The following OLFM3 variants were observed in gnomAD, a reference collection of about 807,000 sequenced individuals.
OLFM3 encodes the protein noelin-3.
In OLFM3, 20 loss-of-function variants were observed where a neutral mutation model predicts 48.6. That is an observed-to-expected ratio of 0.41 (90% CI 0.29 to 0.60). The LOEUF (loss-of-function observed/expected upper bound fraction) is 0.60. Among genes scored for constraint, OLFM3 ranks in the 20% least tolerant of loss-of-function variants. The pLI, the probability that OLFM3 is intolerant of heterozygous loss-of-function variation, is 0.28. For missense variants in OLFM3, 437 were observed against 544.3 expected, an observed-to-expected ratio of 0.80 and a Z score of 1.96; for synonymous variants, 222 against 198.1, an observed-to-expected ratio of 1.12 and a Z score of -1.01.
intron 1 of OLFM3, among the ~76,000 whole-genome samples, chr1:101,966,883 T>G (rs1315949645): frequency 6.6e-6 from 1 of 152,166 alleles, no homozygotes; most frequent in African/African-American, 2.4e-5. Flanking sequence ...TATCTGAGAG[T>G]TGGATAAAAT....
chr1:101,928,330 A>G (rs1165239715), intron 1 of OLFM3, among the ~76,000 whole-genome samples: 2 of 152,108 alleles, frequency 1.3e-5, no homozygotes, highest in African/African-American at 4.8e-5. Context: ...TGTTTGCTAG[A>G]ATGGCTCTTT....
chr1:101,929,139 C>G (rs1480937278), intron 1 of OLFM3, among the ~76,000 whole-genome samples: 1 of 152,106 alleles, frequency 6.6e-6, no homozygotes, highest in African/African-American at 2.4e-5. Context: ...CTAGCAGCAG[C>G]AATTGCACAG....
At chr1:101,852,134 A>C (rs903441019) in intron 1 of OLFM3, among the ~76,000 whole-genome samples, 1 of 149,282 alleles carries the variant, frequency 6.7e-6, no homozygotes, top group African/African-American at 2.5e-5. Context: ...TACTTTTCCT[A>C]CTTTAAATGC....
chr1:101,934,837 G>T (rs1659561479), intron 1 of OLFM3, among the ~76,000 whole-genome samples: 1 of 151,936 alleles, frequency 6.6e-6, no homozygotes, highest in Admixed American at 6.6e-5. Flanking sequence ...TGCAATTACA[G>T]GGAAATTAAA....
intron 1 of OLFM3, among the ~76,000 whole-genome samples, chr1:101,919,436 A>G (rs184581166): frequency 6.6e-6 from 1 of 152,330 alleles, no homozygotes; most frequent in East Asian, 1.9e-4. Context: ...ACACTGCTAA[A>G]TCAAAGATCA....
At chr1:101,922,655 G>A (rs141202305) in intron 1 of OLFM3, among the ~76,000 whole-genome samples, 2 of 152,232 alleles carry the variant, frequency 1.3e-5, no homozygotes, top group Non-Finnish European at 2.9e-5. Flanking sequence ...TTGTATTTGT[G>A]TTCTCTGAAG....
intron 1 of OLFM3, among the ~76,000 whole-genome samples, chr1:101,886,198 C>T (rs1420254314): frequency 6.6e-6 from 1 of 151,802 alleles, no homozygotes; most frequent in African/African-American, 2.4e-5. Flanking sequence ...CACCCTCTCC[C>T]CACAACCACC....
chr1:101,863,823 T>C (rs1557707100), intron 1 of OLFM3, among the ~76,000 whole-genome samples: 1 of 152,226 alleles, frequency 6.6e-6, no homozygotes, highest in South Asian at 2.1e-4. Context: ...ATTATGATAA[T>C]ATATATCTCA....
At chr1:101,844,116 C>A (rs1345745157) in intron 1 of OLFM3, among the ~76,000 whole-genome samples, 1 of 152,126 alleles carries the variant, frequency 6.6e-6, no homozygotes, top group South Asian at 2.1e-4. Flanking sequence ...GTAAGGGTCC[C>A]TTGGAATTAT....
intron 4 of OLFM3, among the ~76,000 whole-genome samples, chr1:101,808,625 T>A (rs1031993131): frequency 4.6e-5 from 7 of 151,748 alleles, no homozygotes; most frequent in South Asian, 2.1e-4. Flanking sequence ...GATCTGAGTA[T>A]ACCTAGGGTG....
At chr1:101,843,838 C>T (rs1655850745) in intron 1 of OLFM3, among the ~76,000 whole-genome samples, 1 of 152,232 alleles carries the variant, frequency 6.6e-6, no homozygotes, top group East Asian at 1.9e-4. Context: ...TGTAAATCTG[C>T]TTTTCTTAAA....
chr1:101,873,944 A>G (rs1052078422), intron 1 of OLFM3, among the ~76,000 whole-genome samples: 1 of 151,852 alleles, frequency 6.6e-6, no homozygotes, highest in Non-Finnish European at 1.5e-5. Flanking sequence ...TTAATCTCCA[A>G]CTTCAAGATC....
At chr1:101,961,205 A>G (rs1660457101) in intron 1 of OLFM3, among the ~76,000 whole-genome samples, 2 of 152,188 alleles carry the variant, frequency 1.3e-5, no homozygotes, top group African/African-American at 4.8e-5. Flanking sequence ...ATTTCTCAAG[A>G]AGTTAATGAT....
intron 1 of OLFM3, among the ~76,000 whole-genome samples, chr1:101,851,200 A>C (rs1400608280): frequency 1.3e-5 from 2 of 152,118 alleles, no homozygotes; most frequent in African/African-American, 4.8e-5. Flanking sequence ...TGGCACCTTA[A>C]AAGCAGTTTA....
chr1:101,827,115 G>A (rs1247496926), intron 3 of OLFM3, among the ~76,000 whole-genome samples: 1 of 152,158 alleles, frequency 6.6e-6, no homozygotes, highest in Non-Finnish European at 1.5e-5. Context: ...ACCTGTGTTT[G>A]CTAATCTCTT....
At chr1:101,962,841 GAT>G (rs1186173688) in intron 1 of OLFM3, among the ~76,000 whole-genome samples, 1 of 152,140 alleles carries the variant, frequency 6.6e-6, no homozygotes, top group Non-Finnish European at 1.5e-5. Flanking sequence ...TGCCAAAGTT[GAT>G]GGTCCAGGGT....
At chr1:101,858,727 T>C (rs1656527643) in intron 1 of OLFM3, among the ~76,000 whole-genome samples, 1 of 152,048 alleles carries the variant, frequency 6.6e-6, no homozygotes. Context: ...GCCAGCCATG[T>C]AAGATGTGCC....
intron 1 of OLFM3, among the ~76,000 whole-genome samples, chr1:101,939,316 TA>T (rs1489124991): frequency 6.6e-6 from 1 of 152,152 alleles, no homozygotes; most frequent in East Asian, 1.9e-4. Context: ...TGGCTAAACA[TA>T]ATTTATATCA....
chr1:101,938,686 C>G (rs1214234263), intron 1 of OLFM3, among the ~76,000 whole-genome samples: 1 of 152,190 alleles, frequency 6.6e-6, no homozygotes, highest in Non-Finnish European at 1.5e-5. Flanking sequence ...CCCATTTGCT[C>G]AGTTTTGTGT....
Sources: allele counts gnomAD v4.1 joint callset (sites outside exome capture counted in the v4.1 genomes callset), GRCh38; gene constraint gnomAD v4.1.1; transcripts MANE v1.5; gene names NCBI Gene and HGNC (gene_info 2026-07-23, HGNC 2026-07-21).